SLC2A9: variants seen among roughly 807,000 people sequenced by gnomAD.
SLC2A9 encodes solute carrier family 2 member 9.
In SLC2A9, 39 loss-of-function variants were observed where a neutral mutation model predicts 50.6. That is an observed-to-expected ratio of 0.77 (90% confidence interval 0.60 to 1.01). The LOEUF is 1.01. Ranked by LOEUF, SLC2A9 falls within the 50% of genes least tolerant of loss-of-function variation. SLC2A9 has a pLI of 0.00. For missense variants in SLC2A9, 686 were observed against 677.6 expected, an observed-to-expected ratio of 1.01 and a Z score of -0.14; for synonymous variants, 324 against 276.9, an observed-to-expected ratio of 1.17 and a Z score of -1.69.
At chr4:9,871,770 C>A (rs1471191221) in intron 10 of SLC2A9, among the ~76,000 whole-genome samples, 4 of 152,360 alleles carry the variant, frequency 2.6e-5, no homozygotes, top group Non-Finnish European at 1.5e-5. Flanking sequence ...TGCCAACCCA[C>A]TGACTTCAGG....
At chr4:9,858,846 T>C (rs1383185915) in intron 10 of SLC2A9, among the ~76,000 whole-genome samples, 1 of 152,200 alleles carries the variant, frequency 6.6e-6, no homozygotes, top group Non-Finnish European at 1.5e-5. Flanking sequence ...CTCCATCTGG[T>C]TGGGCACCAT....
intron 10 of SLC2A9, among the ~76,000 whole-genome samples, chr4:9,874,669 G>A (rs1156735894): frequency 6.6e-6 from 1 of 152,248 alleles, no homozygotes; most frequent in Non-Finnish European, 1.5e-5. Context: ...AGTTGATGTA[G>A]GAGATGGTGC....
chr4:9,985,783 A>C lies in SLC2A9; in HGVS notation c.421T>G (p.Leu141Val). The change falls in exon 4 of 12, where the codon TTG (leucine) becomes GTG (valine). Residue 141 changes from leucine (L) to valine (V), a missense_variant. Transcript: ENST00000264784. ...IGKVLGRKHT[L>V]LANNGFAISA... ...ATTGCAAACCCATTATTGGCCAGCAAAGTGTGCTTCCTGGAAAGAAAGGAA... is the reference window on the plus strand; with the variant it reads ...ATTGCAAACCCATTATTGGCCAGCACAGTGTGCTTCCTGGAAAGAAAGGAA... 6.2e-7 allele frequency: 1 copy of C among 1,614,038 alleles called. No individual in the cohort carries two copies. Among genetic ancestry groups the C allele is most frequent in the Non-Finnish European group, 8.5e-7 (1 of 1,179,874 alleles).
At chr4:10,036,593 C>T (rs977718437) in intron 1 of SLC2A9, among the ~76,000 whole-genome samples, 2 of 152,182 alleles carry the variant, frequency 1.3e-5, no homozygotes, top group African/African-American at 4.8e-5. Context: ...ACATTAGCAT[C>T]ATTTTACATG....
intron 11 of SLC2A9, among the ~76,000 whole-genome samples, chr4:9,831,405 T>C (rs142742367): frequency 7.2e-5 from 11 of 152,126 alleles, no homozygotes; most frequent in Non-Finnish European, 1.3e-4. Flanking sequence ...GCAAGGAACA[T>C]GGTTGTGCTT....
upstream of SLC2A9, chr4:10,026,087 C>A: frequency 9.9e-7 from 1 of 1,009,406 alleles, no homozygotes; most frequent in Non-Finnish European, 1.5e-6. Context: ...CTGGAGCAGT[C>A]TTCGAAAGGT....
intron 10 of SLC2A9, among the ~76,000 whole-genome samples, chr4:9,871,466 G>C (rs1733424231): frequency 6.6e-6 from 1 of 152,116 alleles, no homozygotes; most frequent in South Asian, 2.1e-4. Flanking sequence ...CTGGCTTCTG[G>C]TGCTGCTGGC....
chr4:9,829,525 A>G (rs191527142), intron 11 of SLC2A9, among the ~76,000 whole-genome samples: 276 of 152,076 alleles, frequency 1.8e-3, no homozygotes, highest in African/African-American at 6.6e-3. Flanking sequence ...ATGGGATCTA[A>G]TTAAACTAAA....
Position 9,833,520 on chromosome 4 carries a change from T to C in SLC2A9, c.1419+1361A>G, listed in dbSNP as rs774275472. On this transcript the variant is annotated intron_variant, in intron 11 of 11. Coordinates refer to ENST00000264784, the MANE Select transcript of SLC2A9 (RefSeq NM_020041.3). ...GATCAGAAACTCCAGCTCAGGACTG[T>C]GTGAGGGTGATGTGGGCACAGAAAG... 2.6e-5 allele frequency among the ~76,000 whole-genome samples: 4 copies of C among 152,090 alleles called. No individual in the cohort carries two copies. The South Asian group carries it at 6.2e-4, about 24-fold the overall frequency.
At chr4:9,917,325 CTTTTTTTTTTTTT>C (rs55927201) in intron 7 of SLC2A9, among the ~76,000 whole-genome samples, 1 of 81,800 alleles carries the variant, frequency 1.2e-5, no homozygotes, top group Non-Finnish European at 2.1e-5. Context: ...TTCTTTTTTC[CTTTTTTTTTTTTT>C]TTTTTTTTTT....
chr4:9,784,810 T>C (rs1416398472), intron 3 of SLC2A9, among the ~76,000 whole-genome samples: 7 of 152,252 alleles, frequency 4.6e-5, no homozygotes, highest in Non-Finnish European at 1.0e-4. Flanking sequence ...TTCTTGCAAG[T>C]CCCTGCTTTG....
At position 9,890,654 on chromosome 4, in the gene SLC2A9, T is replaced by C; in HGVS notation, c.1171A>G (p.Met391Val). Residue 391 changes from methionine (M) to valine (V), a missense_variant, in exon 9 of 12, where the codon ATG becomes GTG. Coordinates refer to ENST00000264784, the MANE Select transcript of SLC2A9 (RefSeq NM_020041.3). ...RPLLIGGFGL[M>V]GLFFGTLTIT... ...GTGAGGGTCCCAAAGAAGAGGCCCA[T>C]GAGCCCAAAGCCACCAATGAGGAGG... is the stretch of plus-strand genomic sequence containing the variant. 1.2e-6 allele frequency: 2 copies of C among 1,614,142 alleles called. No homozygotes were observed. The highest frequency in any genetic ancestry group is 4.5e-5 in the East Asian group (2 of 44,876).
chr4:9,778,120 C>T (rs1360537309), downstream of SLC2A9, among the ~76,000 whole-genome samples: 15 of 149,582 alleles, frequency 1.0e-4, no homozygotes, highest in African/African-American at 3.7e-4. Flanking sequence ...TTCCTTCTCC[C>T]CGCCTCCCCC....
intron 8 of SLC2A9, among the ~76,000 whole-genome samples, chr4:9,900,476 G>A (rs762525178): frequency 6.6e-6 from 1 of 152,236 alleles, no homozygotes; most frequent in African/African-American, 2.4e-5. Context: ...AGCTTGGGGT[G>A]GGTGGGAGTG....
chr4:9,996,824 C>A lies in SLC2A9; in HGVS notation c.367G>T (p.Val123Leu), dbSNP rs150840453. ...ATCATCTTCACAATTAACGTCCCCA[C>A]AAGTCCACCGATGGCGAATATGGAC... ...TVSIFAIGGL[V>L]GTLIVKMIGK... Residue 123 changes from valine to leucine, a missense_variant, in exon 3 of 12, where the codon GTG becomes TTG. Val to Leu is a conservative substitution (Grantham distance 32). Coordinates refer to ENST00000264784, the MANE Select transcript of SLC2A9 (RefSeq NM_020041.3). 3.7e-6 allele frequency: 6 copies of A among 1,614,172 alleles called. No individual in the cohort carries two copies. In the African/African-American group the frequency reaches 5.3e-5, roughly 14 times the overall value.
intron 2 of SLC2A9, among the ~76,000 whole-genome samples, chr4:10,018,589 T>TAGATAGATAGATAGAC: frequency 6.6e-6 from 1 of 151,144 alleles, no homozygotes; most frequent in African/African-American, 2.4e-5. Context: ...GATAGATAGA[T>TAGATAGATAGATAGAC]AACAACAACA....
At chr4:9,792,099 G>T (rs565409696) in intron 3 of SLC2A9, among the ~76,000 whole-genome samples, 1 of 150,474 alleles carries the variant, frequency 6.6e-6, no homozygotes, top group South Asian at 2.1e-4. Context: ...TGTTTGATTT[G>T]AAAGCCTGTG....
At chr4:9,944,286 A>C (rs1748719564) in intron 5 of SLC2A9, among the ~76,000 whole-genome samples, 1 of 152,232 alleles carries the variant, frequency 6.6e-6, no homozygotes, top group South Asian at 2.1e-4. Flanking sequence ...CTTGAGGACA[A>C]CAGGAGCCTT....
At chr4:9,788,721 T>G (rs754225069) in intron 3 of SLC2A9, among the ~76,000 whole-genome samples, 1 of 152,230 alleles carries the variant, frequency 6.6e-6, no homozygotes, top group African/African-American at 2.4e-5. Context: ...CTTATCATGA[T>G]ATTTAGGTTG....
Sources: gnomAD v4.1 joint callset for allele counts (sites outside exome capture counted in the v4.1 genomes callset) on GRCh38, gnomAD v4.1.1 for gene constraint, MANE v1.5 for transcripts, NCBI Gene and HGNC (gene_info 2026-07-23, HGNC 2026-07-21) for gene names.